Variants in SGIP1 observed in about 807,000 individuals in gnomAD.
SGIP1 encodes SH3GL interacting endocytic adaptor 1, also known as SH3-containing GRB2-like protein 3-interacting protein 1.
In SGIP1, 38 loss-of-function variants were observed where a neutral mutation model predicts 107.5. The observed-to-expected ratio is 0.35, with a 90% CI of 0.27 to 0.46. The LOEUF (loss-of-function observed/expected upper bound fraction) is 0.46, where lower values mean the gene tolerates loss of function less well. Ranked by LOEUF, SGIP1 falls within the 20% of genes least tolerant of loss-of-function variation. The pLI, the probability that SGIP1 is intolerant of heterozygous loss-of-function variation, is 1.00. For missense variants in SGIP1, 929 were observed against 1,019.5 expected, an observed-to-expected ratio of 0.91 and a Z score of 1.21; for synonymous variants, 365 against 366.1, an observed-to-expected ratio of 1.00 and a Z score of 0.03.
In SGIP1 at chr1:66,640,868, T is replaced by C. The variant is rs149989441; in HGVS notation, c.228+1035T>C. 6.5e-3 allele frequency among the ~76,000 whole-genome samples: 977 copies of C among 149,580 alleles called. 13 individuals carry two copies. Among genetic ancestry groups the C allele is most frequent in the African/African-American group, 0.023 (918 of 40,684 alleles). On this transcript the variant is annotated intron_variant, in intron 5 of 24. Transcript: ENST00000371037. ...TCAAAAAAATGGTGAGTTTCAGACA[T>C]AGAAAGAAAAATACTGTATGATCTT...
chr1:66,725,339 A>T (rs2093704627), intron 19 of SGIP1, among the ~76,000 whole-genome samples: 1 of 152,202 alleles, frequency 6.6e-6, no homozygotes, highest in South Asian at 2.1e-4. Context: ...CACCTGAACC[A>T]TGTGTGTTTC....
chr1:66,704,986 T>C (rs934941550), intron 18 of SGIP1, among the ~76,000 whole-genome samples: 2 of 152,194 alleles, frequency 1.3e-5, no homozygotes, highest in Non-Finnish European at 2.9e-5. Flanking sequence ...GCTAGACATG[T>C]GCTAAGAATT....
intron 17 of SGIP1, among the ~76,000 whole-genome samples, chr1:66,690,946 G>T (rs1285647433): frequency 6.6e-6 from 1 of 152,160 alleles, no homozygotes; most frequent in African/African-American, 2.4e-5. Flanking sequence ...AGTTGAGAAT[G>T]GCTGTTCAGC....
Position 66,689,161 on chromosome 1 carries a change from T to C in SGIP1, c.1329T>C (p.Pro443=), listed in dbSNP as rs1210216556. Residue 443 remains proline, a synonymous_variant, in exon 16 of 25, where the codon CCT becomes CCC. Transcript: ENST00000371037. ...TTTGTTTTTCAGGTGCATCATCCCC[T>C]GCTCGACCAGCCACTCCTTTGGTTC... ...GPGTTSGASS[P]ARPATPLVPC... 1.2e-6 allele frequency: 2 copies of C among 1,613,246 alleles called. No individual in the cohort carries two copies. Among genetic ancestry groups the C allele is most frequent in the African/African-American group, 2.7e-5 (2 of 74,858 alleles).
chr1:66,560,087 C>A (rs1380953318), intron 1 of SGIP1, among the ~76,000 whole-genome samples: 1 of 151,896 alleles, frequency 6.6e-6, no homozygotes, highest in Non-Finnish European at 1.5e-5. Flanking sequence ...AGCAATACAC[C>A]AACTCATCAC....
chr1:66,603,943 A>G (rs954330672), intron 1 of SGIP1, among the ~76,000 whole-genome samples: 1 of 152,176 alleles, frequency 6.6e-6, no homozygotes, highest in African/African-American at 2.4e-5. Context: ...AGAATCGGAA[A>G]AGAGTCCAGA....
chr1:66,579,990 C>G (rs2061595497), intron 1 of SGIP1, among the ~76,000 whole-genome samples: 1 of 152,080 alleles, frequency 6.6e-6, no homozygotes, highest in South Asian at 2.1e-4. Context: ...CACTCCTCAC[C>G]TTCTCCAAAT....
chr1:66,670,595 A>G (rs1402743470), intron 9 of SGIP1, among the ~76,000 whole-genome samples: 1 of 152,252 alleles, frequency 6.6e-6, no homozygotes, highest in Admixed American at 6.5e-5. Context: ...ACACCTGGCA[A>G]GGAGCATGCA....
intron 1 of SGIP1, among the ~76,000 whole-genome samples, chr1:66,576,622 C>T (rs949170353): frequency 2.0e-5 from 3 of 152,092 alleles, no homozygotes; most frequent in Non-Finnish European, 2.9e-5. Context: ...CCCAAATCAA[C>T]CCCTTCTATA....
At chr1:66,618,030 C>T (rs1389077427) in intron 1 of SGIP1, among the ~76,000 whole-genome samples, 1 of 146,318 alleles carries the variant, frequency 6.8e-6, no homozygotes, top group Non-Finnish European at 1.5e-5. Flanking sequence ...GATATAGAAT[C>T]AATATAATAG....
chr1:66,556,819 T>C (rs2058250165), intron 1 of SGIP1, among the ~76,000 whole-genome samples: 1 of 152,108 alleles, frequency 6.6e-6, no homozygotes, highest in Non-Finnish European at 1.5e-5. Flanking sequence ...CATTGGTTAG[T>C]TAACCTTAAT....
At chr1:66,560,510 T>A (rs191222061) in intron 1 of SGIP1, among the ~76,000 whole-genome samples, 1 of 152,062 alleles carries the variant, frequency 6.6e-6, no homozygotes, top group East Asian at 1.9e-4. Flanking sequence ...TAAGCAATTA[T>A]GGATAAATTT....
chr1:66,660,367 C>T (rs2081220495), intron 7 of SGIP1, 146 bp from the exon 8 acceptor site: 3 of 722,962 alleles, frequency 4.1e-6, no homozygotes, highest in South Asian at 1.6e-5. Flanking sequence ...CCATATCAGA[C>T]CCCCACAGGA....
intron 7 of SGIP1, among the ~76,000 whole-genome samples, chr1:66,649,464 A>C (rs535060528): frequency 6.6e-6 from 1 of 152,194 alleles, no homozygotes; most frequent in Admixed American, 6.5e-5. Context: ...GCTACCTTAC[A>C]GGGTGGTTGT....
At chr1:66,582,515 G>A (rs968783697) in intron 1 of SGIP1, among the ~76,000 whole-genome samples, 1 of 151,876 alleles carries the variant, frequency 6.6e-6, no homozygotes, top group African/African-American at 2.4e-5. Context: ...ATACACTTCA[G>A]TGGCTGAAGA....
At chr1:66,598,008 A>C (rs985700695) in intron 1 of SGIP1, among the ~76,000 whole-genome samples, 7 of 152,236 alleles carry the variant, frequency 4.6e-5, no homozygotes, top group East Asian at 1.9e-4. Context: ...AGGGAACACA[A>C]CTGGCCAGCA....
In SGIP1 at chr1:66,751,069, G is replaced by T. The variant is rs1317098300; in HGVS notation, c.*7974G>T. On this transcript the variant is annotated 3_prime_UTR_variant, in exon 25 of 25. Coordinates refer to ENST00000371037, the MANE Select transcript of SGIP1 (RefSeq NM_032291.4). ...CAAAGTTTAATTCTATATGTAAGTTGTTACTGAAATGTGATTTCTTTTTCT... is the reference window on the plus strand; with the variant it reads ...CAAAGTTTAATTCTATATGTAAGTTTTTACTGAAATGTGATTTCTTTTTCT... 6.6e-6 allele frequency among the ~76,000 whole-genome samples: 1 copy of T among 152,116 alleles called. No individual in the cohort carries two copies. Among genetic ancestry groups the T allele is most frequent in the Non-Finnish European group, 1.5e-5 (1 of 68,014 alleles).
At chr1:66,536,862 A>T (rs556401555) in intron 1 of SGIP1, among the ~76,000 whole-genome samples, 1 of 152,286 alleles carries the variant, frequency 6.6e-6, no homozygotes, top group Admixed American at 6.5e-5. Flanking sequence ...CTATATTGCT[A>T]AAGTGTTTTA....
At chr1:66,694,431 G>A in intron 17 of SGIP1, 1 of 1,605,774 alleles carries the variant, frequency 6.2e-7, no homozygotes, top group Non-Finnish European at 8.5e-7. Context: ...TGTTTCTTTG[G>A]TTCGTAGTGT....
Sources: allele counts gnomAD v4.1 joint callset (sites outside exome capture counted in the v4.1 genomes callset), GRCh38; gene constraint gnomAD v4.1.1; transcripts MANE v1.5; gene names NCBI Gene and HGNC (gene_info 2026-07-23, HGNC 2026-07-21).